Variants in CPT1A observed in about 807,000 individuals in gnomAD.
The protein encoded by CPT1A is carnitine O-palmitoyltransferase 1, liver isoform.
Under a neutral mutation model 100.8 loss-of-function variants are expected in CPT1A, and 64 were observed. The observed-to-expected ratio is 0.63, with a 90% CI of 0.52 to 0.78. The LOEUF (loss-of-function observed/expected upper bound fraction) is 0.78. Among genes scored for constraint, CPT1A ranks in the 30% least tolerant of loss-of-function variants. The pLI is 0.00. For synonymous variants in CPT1A, 363 were observed against 396.0 expected (o/e 0.92, Z 0.99); for missense variants, 802 against 1,034.1 (o/e 0.78, Z 3.08).
chr11:68,781,963 C>T lies in CPT1A; in HGVS notation c.1164-4G>A, dbSNP rs776691394. 6.2e-7 allele frequency: 1 copy of T among 1,614,034 alleles called. No individual in the cohort carries two copies. Among genetic ancestry groups the T allele is most frequent in the Non-Finnish European group, 8.5e-7 (1 of 1,179,888 alleles). On this transcript the variant is annotated splice_region_variant and splice_polypyrimidine_tract_variant and intron_variant, in intron 10 of 18. Coordinates refer to ENST00000265641, the MANE Select transcript of CPT1A (RefSeq NM_001876.4). ...ACGACACCTGGCCCAGGGAACTCTG[C>T]AGTGAAGATGAAATACGATTAAAGG...
chr11:68,816,943 AGT>A (rs1293953427), intron 1 of CPT1A, among the ~76,000 whole-genome samples: 820 of 49,058 alleles, frequency 0.017, 20 homozygotes, highest in African/African-American at 0.063. Flanking sequence ...GTGTGGGGTG[AGT>A]GTGTGTGGTG....
rs189174414 is a variant in CPT1A at position 68,780,734 on chromosome 11, T to G, written c.1364A>C (p.Lys455Thr). 9.0e-5 allele frequency: 146 copies of G among 1,614,124 alleles called. No homozygotes were observed. Among genetic ancestry groups the G allele is most frequent in the Non-Finnish European group, 1.3e-5 (15 of 1,179,932 alleles). ...TTTGAAGACAACAAACGTGAACGAC[T>G]TGTCAAACCACCTACGTGAAACACA... Reference protein sequence around the residue: ...HGRCYDRWFDKSFTFVVFKNG... With the variant: ...HGRCYDRWFDTSFTFVVFKNG... Residue 455 changes from lysine (K) to threonine (T), a missense_variant, in exon 12 of 19, where the codon AAG (lysine) becomes ACG (threonine). Physicochemically the swap from Lys to Thr is moderately conservative, Grantham distance 78. Transcript: ENST00000265641.
chr11:68,773,859 G>C (rs1330605969), intron 13 of CPT1A: 3 of 275,764 alleles, frequency 1.1e-5, no homozygotes, highest in African/African-American at 6.6e-5. Flanking sequence ...GCTGAAGCAT[G>C]CGCACTGAGA....
chr11:68,825,401 C>A (rs556417695), intron 1 of CPT1A, among the ~76,000 whole-genome samples: 23 of 152,198 alleles, frequency 1.5e-4, no homozygotes, highest in Non-Finnish European at 2.2e-4. Flanking sequence ...CATAGCCCAC[C>A]CAATACAACA....
At chr11:68,773,845 G>C (rs1023878568) in intron 13 of CPT1A, 7 of 298,508 alleles carry the variant, frequency 2.3e-5, no homozygotes, top group African/African-American at 6.5e-5. Context: ...CGTTGGGCGA[G>C]TGGGCTGAAG....
chr11:68,790,490 G>A (rs976139562), intron 9 of CPT1A, among the ~76,000 whole-genome samples: 1 of 152,178 alleles, frequency 6.6e-6, no homozygotes, highest in African/African-American at 2.4e-5. Context: ...ACAGAGGTGA[G>A]AGCCAAGGTG....
chr11:68,839,696 A>G, intron 1 of CPT1A: 3 of 985,508 alleles, frequency 3.0e-6, no homozygotes, highest in Non-Finnish European at 3.6e-6. Context: ...AAAGGGGCTC[A>G]CTGTGAAGCC....
rs1192871538 is a variant in CPT1A at position 68,760,214 on chromosome 11, G to A, written c.2142+11C>T. The A allele has an allele frequency of 8.8e-6, 14 of 1,592,840 alleles. No individual in the cohort carries two copies. Among genetic ancestry groups the A allele is most frequent in the Admixed American group, 3.4e-5 (2 of 58,226 alleles). On this transcript the variant is annotated intron_variant, in intron 17 of 18. Coordinates refer to ENST00000265641, the MANE Select transcript of CPT1A (RefSeq NM_001876.4). Reference sequence around the variant, plus strand: ...GCCCCACTGCGCCTCGCCCAGCCCCGCCGCACTCACCGGTCCAAAGCCCCC... The same window carrying A: ...GCCCCACTGCGCCTCGCCCAGCCCCACCGCACTCACCGGTCCAAAGCCCCC...
At chr11:68,765,045 ACGGGG>A (rs1854753107) in intron 14 of CPT1A, among the ~76,000 whole-genome samples, 1 of 152,242 alleles carries the variant, frequency 6.6e-6, no homozygotes, top group African/African-American at 2.4e-5. Flanking sequence ...CCATGAGGCC[ACGGGG>A]CCTCCTGCTT....
In CPT1A at chr11:68,794,842, G is replaced by C; in HGVS notation, c.841C>G (p.Leu281Val). The C allele has an allele frequency of 6.2e-7, 1 of 1,614,214 alleles. No homozygotes were observed. Among genetic ancestry groups the C allele is most frequent in the Non-Finnish European group, 8.5e-7 (1 of 1,180,036 alleles). ...TCCCGGTCCAGTTTGCGCCTGTAAAGCAGGATGGCATGGATGGCGTTGCCG... is the reference window on the plus strand; with the variant it reads ...TCCCGGTCCAGTTTGCGCCTGTAAACCAGGATGGCATGGATGGCGTTGCCG... ...RAGNAIHAIL[L>V]YRRKLDREEI... Residue 281 changes from leucine to valine, a missense_variant, in exon 8 of 19, where the codon CTT (leucine) becomes GTT (valine). By Grantham distance (32) the Leu-to-Val change is conservative (BLOSUM62 1). Transcript: ENST00000265641.
At chr11:68,827,079 T>C (rs939466903) in intron 1 of CPT1A, among the ~76,000 whole-genome samples, 7 of 151,868 alleles carry the variant, frequency 4.6e-5, no homozygotes, top group Non-Finnish European at 8.8e-5. Flanking sequence ...CAGATAAGCC[T>C]CACAAAAACT....
In CPT1A at chr11:68,823,113, G is replaced by A. The variant is rs545148817; in HGVS notation, c.-13-7626C>T. Among the ~76,000 whole-genome samples, 6 of 151,972 alleles carry A rather than the reference G, an allele frequency of 3.9e-5. No individual in the cohort carries two copies. The South Asian group carries it at 6.2e-4, about 16-fold the overall frequency. ...AAAACTACAAAAATTAGATGGGTGC[G>A]GTGATGTGTGCCTGTAGTCCCAGCT... On this transcript the variant is annotated intron_variant, in intron 1 of 18. Transcript: ENST00000265641.
chr11:68,788,563 C>T (rs1855525334), intron 9 of CPT1A, among the ~76,000 whole-genome samples: 1 of 147,942 alleles, frequency 6.8e-6, no homozygotes, highest in African/African-American at 2.5e-5. Flanking sequence ...TGCACCACTG[C>T]ACTCCAGCCT....
At chr11:68,774,738 C>T (rs1022314973) in intron 13 of CPT1A, among the ~76,000 whole-genome samples, 1 of 146,982 alleles carries the variant, frequency 6.8e-6, no homozygotes, top group Non-Finnish European at 1.5e-5. Flanking sequence ...GCTGAGATCG[C>T]GCCATTGCAC....
intron 12 of CPT1A, among the ~76,000 whole-genome samples, chr11:68,776,656 A>G (rs957649383): frequency 6.6e-6 from 1 of 152,172 alleles, no homozygotes; most frequent in African/African-American, 2.4e-5. Flanking sequence ...AGGCGGGTAG[A>G]TCACTTTAGG....
rs144731250 is a variant in CPT1A, at chr11:68,802,556, G to A, written c.555+1444C>T. Among the ~76,000 whole-genome samples, 806 of 151,068 alleles carry A rather than the reference G, an allele frequency of 5.3e-3. 10 individuals are homozygous for A. Among genetic ancestry groups the A allele is most frequent in the African/African-American group, 0.018 (740 of 41,008 alleles). On this transcript the variant is annotated intron_variant, in intron 5 of 18. Transcript: ENST00000265641. ...ACCATCCTGGCTACAGTGAAACCCC[G>A]TCTCCACTAAAAATACAAAAAAAAA...
chr11:68,772,456 CAAG>C (rs1480816717), intron 14 of CPT1A, among the ~76,000 whole-genome samples: 1 of 152,136 alleles, frequency 6.6e-6, no homozygotes, highest in African/African-American at 2.4e-5. Flanking sequence ...CTCCAATGGA[CAAG>C]AAGACCCATT....
chr11:68,782,921 T>A (rs1855353106), intron 10 of CPT1A, among the ~76,000 whole-genome samples: 1 of 152,108 alleles, frequency 6.6e-6, no homozygotes, highest in Non-Finnish European at 1.5e-5. Context: ...AGAGGGGGCA[T>A]CGGGACCGAG....
chr11:68,780,794 A>G, intron 11 of CPT1A, 49 bp from the exon 12 acceptor site: 1 of 1,348,510 alleles, frequency 7.4e-7, no homozygotes, highest in South Asian at 1.2e-5. Context: ...AGAGGCAACA[A>G]TGAGGAGACA....
Sources: gnomAD v4.1 joint callset for allele counts (sites outside exome capture counted in the v4.1 genomes callset) on GRCh38, gnomAD v4.1.1 for gene constraint, MANE v1.5 for transcripts, NCBI Gene and HGNC (gene_info 2026-07-23, HGNC 2026-07-21) for gene names.